Variants in MACROD2 observed in about 807,000 individuals in gnomAD.
MACROD2 encodes ADP-ribose glycohydrolase MACROD2.
MACROD2 carries 36 observed loss-of-function variants against 70.4 expected under a neutral mutation model. That is an observed-to-expected ratio of 0.51 (90% CI 0.39 to 0.68). The LOEUF (loss-of-function observed/expected upper bound fraction) is 0.68. Among genes scored for constraint, MACROD2 ranks in the 30% least tolerant of loss-of-function variants. MACROD2 has a pLI of 0.00. For missense variants in MACROD2, 496 were observed against 538.4 expected, an observed-to-expected ratio of 0.92 and a Z score of 0.78; for synonymous variants, 172 against 178.8, an observed-to-expected ratio of 0.96 and a Z score of 0.30.
intron 10 of MACROD2, among the ~76,000 whole-genome samples, chr20:15,921,465 C>T (rs759771923): frequency 1.3e-5 from 2 of 151,760 alleles, no homozygotes; most frequent in Admixed American, 1.3e-4. Context: ...AGTTCCTGGA[C>T]GTGCTCTTCA....
At chr20:15,709,089 T>TTCTCTG (rs2050584239) in intron 8 of MACROD2, among the ~76,000 whole-genome samples, 1 of 152,100 alleles carries the variant, frequency 6.6e-6, no homozygotes, top group Non-Finnish European at 1.5e-5. Context: ...GGATAGGTAT[T>TTCTCTG]ACAGGGTTCT....
intron 8 of MACROD2, among the ~76,000 whole-genome samples, chr20:15,586,750 G>T (rs2048607803): frequency 6.6e-6 from 1 of 152,142 alleles, no homozygotes; most frequent in Non-Finnish European, 1.5e-5. Flanking sequence ...TAACTTGGCT[G>T]TGTACAATAT....
intron 15 of MACROD2, among the ~76,000 whole-genome samples, chr20:15,987,897 A>G (rs976003056): frequency 5.9e-5 from 9 of 152,216 alleles, no homozygotes; most frequent in African/African-American, 2.2e-4. Flanking sequence ...TTGTTACAGT[A>G]TATCATAAAT....
chr20:14,143,974 G>A (rs1381336637), intron 3 of MACROD2, among the ~76,000 whole-genome samples: 1 of 151,928 alleles, frequency 6.6e-6, no homozygotes, highest in African/African-American at 2.4e-5. Flanking sequence ...ACTGGGCAAA[G>A]GTTTTTTTCC....
intron 4 of MACROD2, among the ~76,000 whole-genome samples, chr20:14,519,172 A>G (rs2085137098): frequency 6.6e-6 from 1 of 152,162 alleles, no homozygotes; most frequent in South Asian, 2.1e-4. Flanking sequence ...CTCCCAACAC[A>G]GTTTTCTGCA....
chr20:15,144,163 C>G (rs1364051080), intron 5 of MACROD2, among the ~76,000 whole-genome samples: 1 of 151,994 alleles, frequency 6.6e-6, no homozygotes, highest in East Asian at 1.9e-4. Flanking sequence ...ATCATGTTGT[C>G]CAGGCTGGTC....
chr20:14,834,885 T>G (rs2073011635), intron 5 of MACROD2, among the ~76,000 whole-genome samples: 1 of 152,016 alleles, frequency 6.6e-6, no homozygotes, highest in Non-Finnish European at 1.5e-5. Flanking sequence ...TATATGTATA[T>G]GTATAGTCTA....
chr20:15,474,105 A>C (rs1207563333), intron 7 of MACROD2, among the ~76,000 whole-genome samples: 3 of 152,236 alleles, frequency 2.0e-5, no homozygotes, highest in Non-Finnish European at 4.4e-5. Flanking sequence ...TATCATTGGG[A>C]GAACCTAAAT....
At chr20:15,725,273 G>T (rs2050844631) in intron 8 of MACROD2, among the ~76,000 whole-genome samples, 1 of 151,970 alleles carries the variant, frequency 6.6e-6, no homozygotes, top group Non-Finnish European at 1.5e-5. Context: ...TCAGAGTTTT[G>T]TAGTTTTCCT....
intron 3 of MACROD2, among the ~76,000 whole-genome samples, chr20:14,471,118 G>A (rs1230502542): frequency 6.6e-6 from 1 of 152,156 alleles, no homozygotes; most frequent in Non-Finnish European, 1.5e-5. Context: ...TAGTATCTGG[G>A]CGGGAATGCA....
chr20:15,448,820 G>C (rs1485088332), intron 7 of MACROD2, among the ~76,000 whole-genome samples: 2 of 151,938 alleles, frequency 1.3e-5, no homozygotes, highest in African/African-American at 4.8e-5. Context: ...TTTCTTATAG[G>C]ACATACAACC....
intron 5 of MACROD2, among the ~76,000 whole-genome samples, chr20:15,081,818 A>C (rs969174108): frequency 7.2e-5 from 11 of 152,342 alleles, no homozygotes; most frequent in African/African-American, 2.4e-4. Flanking sequence ...TAAGTTATAC[A>C]TACTTAGTTT....
chr20:14,706,560 C>G (rs1325894657), intron 5 of MACROD2, among the ~76,000 whole-genome samples: 1 of 152,032 alleles, frequency 6.6e-6, no homozygotes, highest in Non-Finnish European at 1.5e-5. Context: ...GTGAAACATT[C>G]TATTTATCAT....
intron 3 of MACROD2, among the ~76,000 whole-genome samples, chr20:14,177,671 C>A (rs2081274260): frequency 1.3e-5 from 2 of 152,020 alleles, no homozygotes; most frequent in South Asian, 4.1e-4. Flanking sequence ...CGACCAATGA[C>A]CAGTGAAATA....
intron 5 of MACROD2, among the ~76,000 whole-genome samples, chr20:14,757,011 C>T (rs1233554597): frequency 6.6e-6 from 1 of 152,122 alleles, no homozygotes; most frequent in African/African-American, 2.4e-5. Flanking sequence ...CCTCCCCAGC[C>T]ATGCAGAAGT....
chr20:14,941,507 T>G (rs1452217314), intron 5 of MACROD2, among the ~76,000 whole-genome samples: 1 of 152,142 alleles, frequency 6.6e-6, no homozygotes, highest in East Asian at 1.9e-4. Flanking sequence ...TCTGCACACT[T>G]GATGCCAGGC....
At chr20:14,594,748 C>T (rs529860353) in intron 4 of MACROD2, among the ~76,000 whole-genome samples, 33 of 152,154 alleles carry the variant, frequency 2.2e-4, no homozygotes, top group Non-Finnish European at 3.1e-4. Flanking sequence ...AAAAATTAGC[C>T]GGGCATGGTA....
rs570184070 is a variant in MACROD2 at position 15,805,355 on chromosome 20, G to A, written c.646-57390G>A. Among the ~76,000 whole-genome samples the A allele has an allele frequency of 6.6e-5, 10 of 152,298 alleles. No homozygotes were observed. In the East Asian group the frequency reaches 1.5e-3, roughly 24 times the overall value. On this transcript the variant is annotated intron_variant, in intron 8 of 17. Transcript: ENST00000684519. The stretch of plus-strand genomic sequence containing the variant: ...TTCACTTTGCATCAAGGGGAGGGGT[G>A]TGGCTGGGAAGAGCCTGGAGCCTAG...
chr20:14,934,390 G>A (rs1316403206), intron 5 of MACROD2, among the ~76,000 whole-genome samples: 1 of 152,164 alleles, frequency 6.6e-6, no homozygotes, highest in East Asian at 1.9e-4. Flanking sequence ...AAGCAGCTAT[G>A]AAGCTGTAAT....
Sources: gnomAD v4.1 joint callset for allele counts (sites outside exome capture counted in the v4.1 genomes callset) on GRCh38, gnomAD v4.1.1 for gene constraint, MANE v1.5 for transcripts, NCBI Gene and HGNC (gene_info 2026-07-23, HGNC 2026-07-21) for gene names.